EPS15: variants seen among roughly 807,000 people sequenced by gnomAD.
The protein encoded by EPS15 is epidermal growth factor receptor substrate 15.
In EPS15, 72 loss-of-function variants were observed where a neutral mutation model predicts 113.8. The observed-to-expected ratio is 0.63, with a 90% CI of 0.52 to 0.77. The LOEUF is 0.77. Among genes scored for constraint, EPS15 ranks in the 30% least tolerant of loss-of-function variants. The probability of loss-of-function intolerance (pLI) is 0.00; values close to 1 mark genes in which losing one functional copy is unlikely to be tolerated. For synonymous variants in EPS15, 344 were observed against 363.4 expected, an observed-to-expected ratio of 0.95 and a Z score of 0.61; for missense variants, 1,048 against 1,045.8, an observed-to-expected ratio of 1.00 and a Z score of -0.03.
intron 1 of EPS15, among the ~76,000 whole-genome samples, chr1:51,482,526 G>A (rs1366739915): frequency 6.6e-6 from 1 of 152,108 alleles, no homozygotes; most frequent in African/African-American, 2.4e-5. Flanking sequence ...CAGTGGCGTG[G>A]CACGATCTAG....
At chr1:51,401,070 T>C (rs924886879) in intron 18 of EPS15, 117 bp from the exon 19 acceptor site, 5 of 603,602 alleles carry the variant, frequency 8.3e-6, no homozygotes, top group Non-Finnish European at 1.5e-5. Flanking sequence ...TAACTTCACT[T>C]CACAGTAGAT....
At chr1:51,365,764 CTA>C (rs1258493824) in intron 22 of EPS15, among the ~76,000 whole-genome samples, 187 bp downstream of exon 22, 1 of 152,140 alleles carries the variant, frequency 6.6e-6, no homozygotes, top group Admixed American at 6.6e-5. Context: ...TCAATACAGT[CTA>C]GTTATATAAA....
At chr1:51,457,068 G>A (rs950656085) in intron 8 of EPS15, among the ~76,000 whole-genome samples, 1 of 152,004 alleles carries the variant, frequency 6.6e-6, no homozygotes, top group Non-Finnish European at 1.5e-5. Flanking sequence ...GGCAGATCAC[G>A]AGGTCAGGAG....
At chr1:51,473,605 C>T (rs368704620) in intron 2 of EPS15, among the ~76,000 whole-genome samples, 16 of 151,924 alleles carry the variant, frequency 1.1e-4, no homozygotes, top group African/African-American at 3.9e-4. Context: ...CAAACAACAA[C>T]AACAACAAAA....
At chr1:51,510,730 A>C (rs971889754) in intron 1 of EPS15, among the ~76,000 whole-genome samples, 2 of 152,228 alleles carry the variant, frequency 1.3e-5, no homozygotes, top group Admixed American at 6.5e-5. Context: ...CTTCTCATTT[A>C]AGTTTTTTAA....
chr1:51,483,846 C>T (rs1421587705), intron 1 of EPS15, among the ~76,000 whole-genome samples: 1 of 151,618 alleles, frequency 6.6e-6, no homozygotes, highest in Admixed American at 6.6e-5. Context: ...GTGGTTCATG[C>T]CTGTAATCCC....
chr1:51,361,551 T>C (rs79064302), intron 23 of EPS15, among the ~76,000 whole-genome samples, 196 bp from the exon 24 acceptor site: 18,097 of 152,196 alleles, frequency 0.12, 1,480 homozygotes, highest in Middle Eastern at 0.27. Flanking sequence ...CTCAAATAGA[T>C]TCCAGCTATG....
rs777351179 is a variant in EPS15, at chr1:51,421,923, ATCC to A, written c.1041-68_1041-66del. 27 of 1,594,046 alleles carry A rather than the reference ATCC, an allele frequency of 1.7e-5. No homozygotes were observed. The South Asian group carries it at 2.9e-4, about 17-fold the overall frequency. On this transcript the variant is annotated intron_variant, in intron 12 of 24. Transcript: ENST00000371733. ...TCAGCTACAGCTGGTATGGTTATCC[ATCC>A]TCCTAATCCTGAATCGCTTTTTAAA...
In EPS15 at chr1:51,375,801, G is replaced by A. The variant is rs1346688653; in HGVS notation, c.2120-9772C>T. On this transcript the variant is annotated intron_variant, in intron 21 of 24. Transcript: ENST00000371733. The stretch of plus-strand genomic sequence containing the variant: ...GAAGACAATGTAGGAAAAGACTTAC[G>A]TTGTAACTAAAAACAAAACAAAACA... 2.6e-5 allele frequency among the ~76,000 whole-genome samples: 4 copies of A among 152,162 alleles called. No homozygotes were observed. The East Asian group carries it at 7.7e-4, about 29-fold the overall frequency.
chr1:51,512,131 A>G (rs1265563916), intron 1 of EPS15, among the ~76,000 whole-genome samples: 1 of 152,234 alleles, frequency 6.6e-6, no homozygotes, highest in Non-Finnish European at 1.5e-5. Context: ...AGGAAAGCAG[A>G]GTATATGAGG....
chr1:51,383,880 A>G (rs1278142052), intron 21 of EPS15, among the ~76,000 whole-genome samples: 1 of 152,266 alleles, frequency 6.6e-6, no homozygotes, highest in African/African-American at 2.4e-5. Context: ...CTAATAGTTG[A>G]ATTTGGCACA....
chr1:51,440,277 CTGTGTGTGTGTGTG>C (rs3040220), intron 12 of EPS15, 56 bp downstream of exon 12: 36 of 444,652 alleles, frequency 8.1e-5, no homozygotes, highest in Non-Finnish European at 1.1e-4. Context: ...TATACATGTA[CTGTGTGTGTGTGTG>C]TGTGTGTGTG....
chr1:51,468,336 T>TA, intron 5 of EPS15, 137 bp downstream of exon 5: 1 of 678,686 alleles, frequency 1.5e-6, no homozygotes, highest in South Asian at 1.7e-5. Context: ...CAGGAGCCAG[T>TA]AGGGGGAAAA....
chr1:51,402,636 A>G, intron 17 of EPS15, 111 bp from the exon 18 acceptor site: 3 of 571,766 alleles, frequency 5.2e-6, no homozygotes, highest in Non-Finnish European at 9.2e-6. Context: ...TGAAAAATCA[A>G]CTGATGGGCC....
chr1:51,429,970 C>T (rs1651572813), intron 12 of EPS15, among the ~76,000 whole-genome samples: 1 of 152,030 alleles, frequency 6.6e-6, no homozygotes, highest in Non-Finnish European at 1.5e-5. Flanking sequence ...TTTCAATACA[C>T]AGGAAATGGT....
chr1:51,493,457 G>A lies in EPS15; in HGVS notation c.34-12143C>T, dbSNP rs1389582806. 3.3e-5 allele frequency among the ~76,000 whole-genome samples: 5 copies of A among 150,594 alleles called. No homozygotes were observed. In the East Asian group the frequency reaches 8.0e-4, roughly 24 times the overall value. ...GGAGAATGGCATGAACTCAGGAGGCGGAGCTTGCAGTGAGCCGAGATCGCA... is the reference window on the plus strand; with the variant it reads ...GGAGAATGGCATGAACTCAGGAGGCAGAGCTTGCAGTGAGCCGAGATCGCA... On this transcript the variant is annotated intron_variant, in intron 1 of 24. Coordinates refer to ENST00000371733, the MANE Select transcript of EPS15 (RefSeq NM_001981.3).
At chr1:51,381,710 A>G (rs1321136968) in intron 21 of EPS15, among the ~76,000 whole-genome samples, 2 of 152,244 alleles carry the variant, frequency 1.3e-5, no homozygotes, top group Non-Finnish European at 2.9e-5. Flanking sequence ...TATCACGCTC[A>G]ACCAATTGGT....
intron 20 of EPS15, 57 bp downstream of exon 20, chr1:51,398,975 C>T: frequency 6.8e-7 from 1 of 1,474,198 alleles, no homozygotes; most frequent in Non-Finnish European, 9.2e-7. Flanking sequence ...TTTCAAGAAA[C>T]TTGCTTAGGA....
At position 51,356,003 on chromosome 1, in the gene EPS15, C is replaced by T. The variant is rs1362442847; in HGVS notation, c.*697G>A. On this transcript the variant is annotated 3_prime_UTR_variant, in exon 25 of 25. Transcript: ENST00000371733. The stretch of plus-strand genomic sequence containing the variant: ...AATTAGCAAACACACTGAGAGGTAT[C>T]TGTTGATCTAAAATTCTCTAAATCC... 1.0e-5 allele frequency: 2 copies of T among 194,386 alleles called. No homozygotes were observed. The allele number at this position is 194,386 out of a possible 1,614,324, so 12.0% of individuals were successfully genotyped here.
Sources: allele counts gnomAD v4.1 joint callset (sites outside exome capture counted in the v4.1 genomes callset), GRCh38; gene constraint gnomAD v4.1.1; transcripts MANE v1.5; gene names NCBI Gene and HGNC (gene_info 2026-07-23, HGNC 2026-07-21).